The following SLC25A21 variants were observed in gnomAD, a reference collection of about 807,000 sequenced individuals.
SLC25A21 encodes mitochondrial 2-oxodicarboxylate carrier.
Under a neutral mutation model 43.8 loss-of-function variants are expected in SLC25A21, and 47 were observed. The ratio of observed to expected loss-of-function variants is 1.07; its 90% CI spans 0.85 to 1.37. The LOEUF (loss-of-function observed/expected upper bound fraction) is 1.37, where lower values mean the gene tolerates loss of function less well. Among genes scored for constraint, SLC25A21 ranks in the 40% most tolerant of loss-of-function variants. The pLI is 0.00. For synonymous variants in SLC25A21, 131 were observed against 121.3 expected, an observed-to-expected ratio of 1.08 and a Z score of -0.52; for missense variants, 352 against 350.2, an observed-to-expected ratio of 1.00 and a Z score of -0.04.
intron 1 of SLC25A21, among the ~76,000 whole-genome samples, chr14:37,098,720 G>A (rs1480007328): frequency 6.3e-5 from 1 of 15,880 alleles, no homozygotes; most frequent in African/African-American, 1.5e-4. Context: ...TAGATAGATA[G>A]ATAGATAGAT....
chr14:36,835,007 T>G (rs1889160602), intron 2 of SLC25A21, among the ~76,000 whole-genome samples: 1 of 152,228 alleles, frequency 6.6e-6, no homozygotes, highest in Admixed American at 6.5e-5. Flanking sequence ...TTGTCCAGTT[T>G]TCTAAAGTAA....
intron 3 of SLC25A21, among the ~76,000 whole-genome samples, chr14:36,740,537 G>A (rs1423561928): frequency 6.6e-6 from 1 of 152,138 alleles, no homozygotes; most frequent in Non-Finnish European, 1.5e-5. Context: ...TACATCACGT[G>A]TTCTTCTCAA....
At chr14:36,870,744 T>G (rs1292547249) in intron 2 of SLC25A21, 1 of 152,154 alleles carries the variant, frequency 6.6e-6, no homozygotes, top group East Asian at 1.9e-4. Context: ...TGAATTACAA[T>G]GAAATCAGCT....
chr14:37,071,643 T>C (rs1204342771), intron 1 of SLC25A21, among the ~76,000 whole-genome samples: 1 of 152,244 alleles, frequency 6.6e-6, no homozygotes, highest in Admixed American at 6.5e-5. Context: ...ACTTCAACTT[T>C]CTTCAGTTAT....
intron 1 of SLC25A21, among the ~76,000 whole-genome samples, chr14:36,909,709 G>T (rs1295564447): frequency 1.3e-5 from 2 of 152,168 alleles, no homozygotes; most frequent in African/African-American, 4.8e-5. Flanking sequence ...AACTAAATAT[G>T]CTTTAAAATA....
At chr14:36,716,219 G>A (rs567851830) in intron 6 of SLC25A21, among the ~76,000 whole-genome samples, 1 of 152,244 alleles carries the variant, frequency 6.6e-6, no homozygotes, top group Non-Finnish European at 1.5e-5. Context: ...TATACATGTA[G>A]ATAGAATAAA....
intron 1 of SLC25A21, among the ~76,000 whole-genome samples, chr14:36,970,916 C>T (rs552753602): frequency 6.6e-6 from 1 of 152,208 alleles, no homozygotes; most frequent in East Asian, 1.9e-4. Flanking sequence ...AATTTCTAGC[C>T]TCTTTACATT....
In SLC25A21 at chr14:37,091,197, G is replaced by A. The variant is rs533790675; in HGVS notation, c.70+81084C>T. Among the ~76,000 whole-genome samples, 9 of 152,194 alleles carry A rather than the reference G, an allele frequency of 5.9e-5. No homozygotes were observed. In the South Asian group the frequency reaches 1.7e-3, roughly 28 times the overall value. On this transcript the variant is annotated intron_variant, in intron 1 of 9. Coordinates refer to ENST00000331299, the MANE Select transcript of SLC25A21 (RefSeq NM_030631.4). Reference sequence around the variant, plus strand: ...TACCTGTAATCCCAGCACTTTGGGAGGTCGAGGCAGGTGGATCATGAGGTC... The same window carrying A: ...TACCTGTAATCCCAGCACTTTGGGAAGTCGAGGCAGGTGGATCATGAGGTC...
chr14:36,809,719 T>A (rs1436919117), intron 3 of SLC25A21, among the ~76,000 whole-genome samples: 1 of 152,120 alleles, frequency 6.6e-6, no homozygotes, highest in African/African-American at 2.4e-5. Context: ...TTAATGTTTT[T>A]AAATAAAAGA....
rs150517935 is a variant in SLC25A21 at position 36,995,371 on chromosome 14, T to A, written c.71-120367A>T. ...TTGCTTATAAGACCTATAATGTTAA[T>A]GCTTTTCTGTTTTTTATAATAGTAA... On this transcript the variant is annotated intron_variant, in intron 1 of 9. Coordinates refer to ENST00000331299, the MANE Select transcript of SLC25A21 (RefSeq NM_030631.4). 6.8e-3 allele frequency among the ~76,000 whole-genome samples: 1,033 copies of A among 152,326 alleles called. 15 individuals are homozygous for A. Among genetic ancestry groups the A allele is most frequent in the African/African-American group, 0.022 (913 of 41,574 alleles).
At chr14:36,723,416 A>G (rs1280385809) in intron 6 of SLC25A21, among the ~76,000 whole-genome samples, 1 of 152,252 alleles carries the variant, frequency 6.6e-6, no homozygotes, top group Non-Finnish European at 1.5e-5. Flanking sequence ...AAATAAAGTC[A>G]CTTTTAAAAT....
At chr14:36,722,023 T>C (rs113497694) in intron 6 of SLC25A21, among the ~76,000 whole-genome samples, 1 of 152,278 alleles carries the variant, frequency 6.6e-6, no homozygotes, top group African/African-American at 2.4e-5. Context: ...TGAATTTCAG[T>C]ATGAATTCCT....
intron 1 of SLC25A21, among the ~76,000 whole-genome samples, chr14:36,982,210 A>T (rs1256945541): frequency 6.6e-6 from 1 of 152,200 alleles, no homozygotes; most frequent in African/African-American, 2.4e-5. Context: ...TTTTAAACTC[A>T]TTTTCAAATA....
intron 3 of SLC25A21, among the ~76,000 whole-genome samples, chr14:36,782,911 C>T (rs1400526526): frequency 6.8e-6 from 1 of 147,116 alleles, no homozygotes; most frequent in Non-Finnish European, 1.5e-5. Context: ...ATGTAACTAA[C>T]CTGCACAATG....
intron 1 of SLC25A21, among the ~76,000 whole-genome samples, chr14:37,058,877 T>G (rs1482965466): frequency 6.6e-6 from 1 of 152,164 alleles, no homozygotes; most frequent in East Asian, 1.9e-4. Context: ...CCCTCTTGGA[T>G]CAGATGAACA....
At chr14:36,748,847 T>G (rs929675438) in intron 3 of SLC25A21, among the ~76,000 whole-genome samples, 1 of 152,210 alleles carries the variant, frequency 6.6e-6, no homozygotes, top group African/African-American at 2.4e-5. Context: ...CAAAATGAAC[T>G]CCAGATTCTC....
chr14:37,023,155 T>C (rs1262174731), intron 1 of SLC25A21, among the ~76,000 whole-genome samples: 3 of 151,960 alleles, frequency 2.0e-5, no homozygotes, highest in Admixed American at 6.6e-5. Context: ...ATAAGCTGAG[T>C]GACATTCTAT....
chr14:37,060,417 AATAATAATG>A (rs200754443), intron 1 of SLC25A21, among the ~76,000 whole-genome samples: 3,660 of 146,576 alleles, frequency 0.025, 73 homozygotes, highest in Middle Eastern at 0.046. Context: ...TAATAATAAT[AATAATAATG>A]ATGTAACCCA....
intron 1 of SLC25A21, among the ~76,000 whole-genome samples, chr14:36,923,840 AC>A (rs1418193400): frequency 2.6e-5 from 4 of 152,360 alleles, no homozygotes; most frequent in Middle Eastern, 3.4e-3. Flanking sequence ...CAAGAAAAAA[AC>A]AACCCCGTCA....
Sources: allele counts gnomAD v4.1 joint callset (sites outside exome capture counted in the v4.1 genomes callset), GRCh38; gene constraint gnomAD v4.1.1; transcripts MANE v1.5; gene names NCBI Gene and HGNC (gene_info 2026-07-23, HGNC 2026-07-21).